RIT2: variants seen among roughly 807,000 people sequenced by gnomAD.
RIT2 encodes the protein Ras like without CAAX 2, also known as GTP-binding protein Rit2.
In RIT2, 24 loss-of-function variants were observed where a neutral mutation model predicts 23.7. The observed-to-expected ratio is 1.01, with a 90% CI of 0.73 to 1.43. The LOEUF (loss-of-function observed/expected upper bound fraction) is 1.43, where lower values mean the gene tolerates loss of function less well. Ranked by LOEUF, RIT2 falls within the 40% of genes most tolerant of loss-of-function variation. The pLI is 0.00. For missense variants in RIT2, 236 were observed against 266.9 expected, an observed-to-expected ratio of 0.88 and a Z score of 0.81; for synonymous variants, 107 against 91.1, an observed-to-expected ratio of 1.17 and a Z score of -0.99.
At chr18:42,892,741 G>A (rs563675453) in intron 4 of RIT2, among the ~76,000 whole-genome samples, 14 of 152,272 alleles carry the variant, frequency 9.2e-5, no homozygotes, top group Admixed American at 8.5e-4. Flanking sequence ...ATAAAAATGT[G>A]TAAATAGAAT....
chr18:42,805,046 T>G (rs1905644336), intron 4 of RIT2, among the ~76,000 whole-genome samples: 1 of 152,168 alleles, frequency 6.6e-6, no homozygotes, highest in South Asian at 2.1e-4. Context: ...ATACAAAAAT[T>G]TAAGACTAAA....
chr18:43,045,393 A>G (rs1276382938), intron 1 of RIT2, among the ~76,000 whole-genome samples: 1 of 152,124 alleles, frequency 6.6e-6, no homozygotes. Context: ...ATAAGAATTT[A>G]CTCTGTCTTG....
intron 4 of RIT2, among the ~76,000 whole-genome samples, chr18:42,879,243 C>G (rs971814688): frequency 2.0e-5 from 3 of 152,086 alleles, no homozygotes; most frequent in African/African-American, 7.2e-5. Flanking sequence ...CACTTCTTGC[C>G]TGAATATCAC....
intron 4 of RIT2, among the ~76,000 whole-genome samples, chr18:42,747,131 A>C (rs1443792889): frequency 6.6e-6 from 1 of 152,058 alleles, no homozygotes; most frequent in African/African-American, 2.4e-5. Context: ...TCCTGATGAT[A>C]TAATTGTATA....
intron 4 of RIT2, among the ~76,000 whole-genome samples, chr18:42,811,149 A>G (rs1905840095): frequency 6.6e-6 from 1 of 152,028 alleles, no homozygotes; most frequent in Non-Finnish European, 1.5e-5. Context: ...CTGAGGGATC[A>G]CCTAGCTTTA....
In RIT2 at chr18:42,743,674, C is replaced by A. The variant is rs199574261; in HGVS notation, c.473G>T (p.Gly158Val). The stretch of plus-strand genomic sequence containing the variant: ...GAGGGCTGCAGAGGTCTCAAAAAAA[C>A]CACAATTATATTCTTGGGCAAGACT... ...GLSLAQEYNC[G>V]FFETSAALRF... Residue 158 changes from glycine to valine, a missense_variant, in exon 5 of 5, where the codon GGT (glycine) becomes GTT (valine). Coordinates refer to ENST00000326695, the MANE Select transcript of RIT2 (RefSeq NM_002930.4). The A allele has an allele frequency of 1.3e-5, 21 of 1,613,900 alleles. No homozygotes were observed. The Admixed American group carries it at 1.7e-4, about 13-fold the overall frequency.
At chr18:43,059,374 T>C (rs1912587353) in intron 1 of RIT2, among the ~76,000 whole-genome samples, 1 of 152,148 alleles carries the variant, frequency 6.6e-6, no homozygotes, top group African/African-American at 2.4e-5. Context: ...AACCACAATG[T>C]TATTCTTGCT....
At chr18:42,891,818 A>G (rs567505509) in intron 4 of RIT2, among the ~76,000 whole-genome samples, 3 of 152,282 alleles carry the variant, frequency 2.0e-5, no homozygotes, top group African/African-American at 7.2e-5. Context: ...AATGATAGAC[A>G]CATGTTATTA....
chr18:42,744,948 C>T (rs1047020914), intron 4 of RIT2, among the ~76,000 whole-genome samples: 1 of 152,056 alleles, frequency 6.6e-6, no homozygotes, highest in Non-Finnish European at 1.5e-5. Flanking sequence ...CTGACTGAGG[C>T]CAGGGACCGT....
intron 2 of RIT2, among the ~76,000 whole-genome samples, chr18:42,998,507 T>C (rs1221071535): frequency 1.3e-5 from 2 of 152,136 alleles, no homozygotes; most frequent in Admixed American, 1.3e-4. Context: ...GCATTTGGTC[T>C]TAGATAACAA....
At chr18:42,811,709 C>G (rs563281272) in intron 4 of RIT2, among the ~76,000 whole-genome samples, 2 of 152,050 alleles carry the variant, frequency 1.3e-5, no homozygotes, top group South Asian at 2.1e-4. Context: ...TATTGTCATG[C>G]CTTAGTTGAA....
chr18:42,919,901 G>A (rs1464538253), intron 4 of RIT2, among the ~76,000 whole-genome samples: 11 of 152,080 alleles, frequency 7.2e-5, no homozygotes, highest in Admixed American at 7.2e-4. Flanking sequence ...CATGAATAGG[G>A]ACAAAGACCT....
intron 2 of RIT2, among the ~76,000 whole-genome samples, chr18:43,026,709 T>A (rs1239830615): frequency 6.7e-6 from 1 of 149,462 alleles, no homozygotes; most frequent in African/African-American, 2.4e-5. Flanking sequence ...GAACCAGAAG[T>A]CAGCTTTGAA....
At chr18:43,043,923 T>G (rs1912187770) in intron 1 of RIT2, among the ~76,000 whole-genome samples, 1 of 152,140 alleles carries the variant, frequency 6.6e-6, no homozygotes, top group Non-Finnish European at 1.5e-5. Context: ...TGCATTGAGT[T>G]GAGGATCAGA....
At position 43,053,089 on chromosome 18, in the gene RIT2, C is replaced by T. The variant is rs548788726; in HGVS notation, c.104-19222G>A. The stretch of plus-strand genomic sequence containing the variant: ...TTCTTCATCCTCTTACCTATGGCCA[C>T]GTTGTAGGGGTATAGGCTTTGAAGT... On this transcript the variant is annotated intron_variant, in intron 1 of 4. Transcript: ENST00000326695. Among the ~76,000 whole-genome samples, 8 of 152,068 alleles carry T rather than the reference C, an allele frequency of 5.3e-5. No homozygotes were observed. In the East Asian group the frequency reaches 5.8e-4, roughly 11 times the overall value.
intron 4 of RIT2, among the ~76,000 whole-genome samples, chr18:42,895,496 A>C (rs540352611): frequency 3.0e-4 from 46 of 152,278 alleles, no homozygotes; most frequent in African/African-American, 9.1e-4. Context: ...TCGATCTCCA[A>C]ATTTGAATGT....
chr18:43,056,710 C>T (rs982283575), intron 1 of RIT2, among the ~76,000 whole-genome samples: 11 of 152,082 alleles, frequency 7.2e-5, no homozygotes, highest in East Asian at 1.9e-4. Context: ...TCTATGGAGA[C>T]TACAGAGATG....
chr18:42,908,648 A>G (rs1367816587), intron 4 of RIT2, among the ~76,000 whole-genome samples: 1 of 152,128 alleles, frequency 6.6e-6, no homozygotes, highest in African/African-American at 2.4e-5. Flanking sequence ...TCAAGTGCTG[A>G]AAGAGCGGTC....
At chr18:43,030,778 T>G (rs1326077394) in intron 2 of RIT2, among the ~76,000 whole-genome samples, 1 of 152,084 alleles carries the variant, frequency 6.6e-6, no homozygotes, top group East Asian at 1.9e-4. Context: ...GAATTATTCA[T>G]GGGTTTCTGG....
Sources: gnomAD v4.1 joint callset for allele counts (sites outside exome capture counted in the v4.1 genomes callset) on GRCh38, gnomAD v4.1.1 for gene constraint, MANE v1.5 for transcripts, NCBI Gene and HGNC (gene_info 2026-07-23, HGNC 2026-07-21) for gene names.